Variants in DSCAM observed in about 807,000 individuals in gnomAD.
DSCAM encodes the protein cell adhesion molecule DSCAM.
A neutral mutation model predicts 217.7 loss-of-function variants in DSCAM; 47 were observed. That is an observed-to-expected ratio of 0.22 (90% CI 0.17 to 0.28). DSCAM has a LOEUF of 0.28. Among genes scored for constraint, DSCAM ranks in the 10% least tolerant of loss-of-function variants. The pLI is 1.00. For synonymous variants in DSCAM, 1,056 were observed against 1,015.3 expected, an observed-to-expected ratio of 1.04 and a Z score of -0.76; for missense variants, 2,080 against 2,618.3, an observed-to-expected ratio of 0.79 and a Z score of 4.49.
At chr21:40,793,544 G>A (rs184921738) in intron 1 of DSCAM, among the ~76,000 whole-genome samples, 2 of 152,144 alleles carry the variant, frequency 1.3e-5, no homozygotes, top group Admixed American at 1.3e-4. Flanking sequence ...AGGCTAGAGT[G>A]CAGTGGTGTG....
At chr21:40,232,081 T>C (rs1261457173) in intron 11 of DSCAM, among the ~76,000 whole-genome samples, 1 of 152,188 alleles carries the variant, frequency 6.6e-6, no homozygotes, top group Non-Finnish European at 1.5e-5. Context: ...AGTAATTTTT[T>C]TTGGATTTTA....
At chr21:40,483,990 G>A (rs2076004131) in intron 3 of DSCAM, among the ~76,000 whole-genome samples, 1 of 152,108 alleles carries the variant, frequency 6.6e-6, no homozygotes, top group East Asian at 1.9e-4. Flanking sequence ...CTGACATTTT[G>A]GCTATTGGCC....
chr21:40,661,302 T>G (rs1465255019), intron 3 of DSCAM, among the ~76,000 whole-genome samples: 1 of 152,218 alleles, frequency 6.6e-6, no homozygotes, highest in African/African-American at 2.4e-5. Flanking sequence ...ACACTCGTAT[T>G]CATAAAAAAA....
intron 18 of DSCAM, among the ~76,000 whole-genome samples, chr21:40,138,293 C>CTGTGTGTGTGGTGTGTGTGTATGG (rs1568960999): frequency 1.4e-5 from 2 of 140,186 alleles, no homozygotes; most frequent in African/African-American, 5.3e-5. Flanking sequence ...GTGTGTGTAC[C>CTGTGTGTGTGGTGTGTGTGTATGG]TGTGTGCGTG....
At chr21:40,551,553 G>A (rs2076630112) in intron 3 of DSCAM, among the ~76,000 whole-genome samples, 1 of 152,056 alleles carries the variant, frequency 6.6e-6, no homozygotes, top group Non-Finnish European at 1.5e-5. Flanking sequence ...GGATTGGGAG[G>A]GCCTGGAAGA....
In DSCAM at chr21:40,311,404, G is replaced by C. The variant is rs1269668981; in HGVS notation, c.2062+677C>G. On this transcript the variant is annotated intron_variant, in intron 9 of 32. Coordinates refer to ENST00000400454, the MANE Select transcript of DSCAM (RefSeq NM_001389.5). ...AGAGTGTGAGCCTTAATGGGAATTT[G>C]GTGACTTGAATAGAAGTTCAAAATA... Among the ~76,000 whole-genome samples the C allele has an allele frequency of 2.0e-5, 3 of 152,174 alleles. No individual in the cohort carries two copies. In the East Asian group the frequency reaches 5.8e-4, roughly 29 times the overall value.
At chr21:40,366,815 G>A (rs538060700) in intron 4 of DSCAM, among the ~76,000 whole-genome samples, 1 of 152,258 alleles carries the variant, frequency 6.6e-6, no homozygotes, top group African/African-American at 2.4e-5. Context: ...AGAGCTATAT[G>A]GGATTGAACT....
chr21:40,023,317 C>T (rs891250343), intron 32 of DSCAM, among the ~76,000 whole-genome samples: 14 of 152,014 alleles, frequency 9.2e-5, no homozygotes, highest in Admixed American at 6.6e-4. Context: ...TGAATAATGC[C>T]GCAATAAACA....
At chr21:40,555,542 T>C (rs901121143) in intron 3 of DSCAM, among the ~76,000 whole-genome samples, 12 of 152,240 alleles carry the variant, frequency 7.9e-5, no homozygotes, top group African/African-American at 1.4e-4. Context: ...TATTTAATTA[T>C]AGAAAATGAC....
At chr21:40,232,187 T>A (rs919795153) in intron 11 of DSCAM, among the ~76,000 whole-genome samples, 17 of 152,226 alleles carry the variant, frequency 1.1e-4, no homozygotes, top group Non-Finnish European at 2.9e-5. Flanking sequence ...CATTATGCAC[T>A]AAGATTGAAT....
intron 8 of DSCAM, among the ~76,000 whole-genome samples, chr21:40,333,888 C>G (rs1443166544): frequency 6.6e-6 from 1 of 152,176 alleles, no homozygotes; most frequent in Non-Finnish European, 1.5e-5. Context: ...CAGTGAGCCT[C>G]TGCACCTGGC....
rs1249043716 is a variant in DSCAM, at chr21:40,068,413, G to T, written c.4889-5514C>A. On this transcript the variant is annotated intron_variant, in intron 27 of 32. Transcript: ENST00000400454. ...AGGATGAAGATATGCAAGCTAGAAG[G>T]AATATGTATATGTGCCTCTCTCTGT... Among the ~76,000 whole-genome samples, 3 of 152,198 alleles carry T rather than the reference G, an allele frequency of 2.0e-5. No homozygotes were observed. The South Asian group carries it at 6.2e-4, about 32-fold the overall frequency.
chr21:40,433,761 A>G (rs1196551913), intron 3 of DSCAM, among the ~76,000 whole-genome samples: 1 of 152,100 alleles, frequency 6.6e-6, no homozygotes, highest in Non-Finnish European at 1.5e-5. Context: ...CACCTGAGGT[A>G]GATGATGTCA....
intron 2 of DSCAM, among the ~76,000 whole-genome samples, chr21:40,695,957 T>C (rs1175754326): frequency 6.6e-6 from 1 of 152,110 alleles, no homozygotes; most frequent in Non-Finnish European, 1.5e-5. Context: ...CAGAGGGCCA[T>C]GTGAGTTTCC....
intron 3 of DSCAM, chr21:40,385,020 T>C (rs2075068887): frequency 6.6e-6 from 1 of 152,306 alleles, no homozygotes; most frequent in East Asian, 1.9e-4. Flanking sequence ...CCCCATCCTA[T>C]ATTTTTCTCC....
rs554012446 is a variant in DSCAM, at chr21:40,773,115, G to T, written c.44-64344C>A. 5.9e-5 allele frequency among the ~76,000 whole-genome samples: 9 copies of T among 152,350 alleles called. No homozygotes were observed. In the South Asian group the frequency reaches 1.7e-3, roughly 28 times the overall value. On this transcript the variant is annotated intron_variant, in intron 1 of 32. Transcript: ENST00000400454. ...TGAAACCACATCCCTGACTTACGCAGCTCCCCACCTAACCCTTGTTCAACC... is the reference window on the plus strand; with the variant it reads ...TGAAACCACATCCCTGACTTACGCATCTCCCCACCTAACCCTTGTTCAACC...
chr21:40,082,160 T>A (rs905464369), intron 24 of DSCAM, among the ~76,000 whole-genome samples: 2 of 152,114 alleles, frequency 1.3e-5, no homozygotes, highest in Admixed American at 1.3e-4. Context: ...CTGTCCAGAA[T>A]CATTTAGAAA....
At chr21:40,474,578 G>C (rs2075917745) in intron 3 of DSCAM, among the ~76,000 whole-genome samples, 1 of 152,158 alleles carries the variant, frequency 6.6e-6, no homozygotes, top group Non-Finnish European at 1.5e-5. Context: ...CCCTGAGCTG[G>C]AACAGCCCCT....
intron 3 of DSCAM, among the ~76,000 whole-genome samples, chr21:40,548,523 T>C (rs1409892011): frequency 6.6e-6 from 1 of 151,096 alleles, no homozygotes; most frequent in Admixed American, 6.6e-5. Context: ...AATATATATA[T>C]GTACAATATA....
Sources: allele counts gnomAD v4.1 joint callset (sites outside exome capture counted in the v4.1 genomes callset), GRCh38; gene constraint gnomAD v4.1.1; transcripts MANE v1.5; gene names NCBI Gene and HGNC (gene_info 2026-07-23, HGNC 2026-07-21).